The following USP33 variants were observed in gnomAD, a reference collection of about 807,000 sequenced individuals.
USP33 encodes ubiquitin carboxyl-terminal hydrolase 33.
USP33 carries 46 observed loss-of-function variants against 124.2 expected under a neutral mutation model. That is an observed-to-expected ratio of 0.37 (90% CI 0.29 to 0.47). USP33 has a LOEUF of 0.47. Ranked by LOEUF, USP33 falls within the 20% of genes least tolerant of loss-of-function variation. The pLI is 0.99. For synonymous variants in USP33, 350 were observed against 352.3 expected (o/e 0.99, Z 0.07); for missense variants, 851 against 1,070.6 (o/e 0.79, Z 2.86).
chr1:77,701,479 G>C lies in USP33; in HGVS notation c.2407-8C>G. On this transcript the variant is annotated splice_region_variant and splice_polypyrimidine_tract_variant and intron_variant, in intron 21 of 23. Coordinates refer to ENST00000370794, the MANE Select transcript of USP33 (RefSeq NM_201624.3). ...TTGGAACGCTCTGTTAAGCTACAAG[G>C]GGGAAAAAAAACAGTCATCTAATAT... 1.2e-6 allele frequency: 2 copies of C among 1,602,352 alleles called. No homozygotes were observed. The highest frequency in any genetic ancestry group is 1.7e-6 in the Non-Finnish European group (2 of 1,174,458).
At chr1:77,739,223 C>T (rs559128791) in intron 5 of USP33, 42 bp downstream of exon 5, 17 of 1,560,244 alleles carry the variant, frequency 1.1e-5, no homozygotes, top group African/African-American at 6.9e-5. Context: ...AAATTATTAC[C>T]GGAATGTTTT....
chr1:77,729,941 G>A lies in USP33; in HGVS notation c.639-3C>T, dbSNP rs1677610601. 3 of 1,589,040 alleles carry A rather than the reference G, an allele frequency of 1.9e-6. No individual in the cohort carries two copies. Among genetic ancestry groups the A allele is most frequent in the Middle Eastern group, 1.7e-4 (1 of 5,958 alleles). ...TAGTAGGCACAACAGATCCTGGCCT[G>A]AGCAAGAAAACATTTTTAAAGAGCA... On this transcript the variant is annotated splice_region_variant and splice_polypyrimidine_tract_variant and intron_variant, in intron 8 of 23. Transcript: ENST00000370794.
intron 10 of USP33, among the ~76,000 whole-genome samples, chr1:77,726,216 T>C (rs1212656015): frequency 6.6e-6 from 1 of 151,968 alleles, no homozygotes; most frequent in African/African-American, 2.4e-5. Flanking sequence ...TCCCAAAGTG[T>C]TGGGATTATA....
At chr1:77,759,389 C>T (rs1006629942) in intron 1 of USP33, 3 of 390,878 alleles carry the variant, frequency 7.7e-6, no homozygotes, top group Admixed American at 8.9e-5. Context: ...GAGGACCCTT[C>T]CTCAAATCAA....
intron 21 of USP33, among the ~76,000 whole-genome samples, chr1:77,709,066 G>A (rs951688371): frequency 3.9e-5 from 6 of 152,012 alleles, no homozygotes; most frequent in Admixed American, 6.6e-5. Flanking sequence ...AGTCTTTTCC[G>A]TTTGTAATTA....
At chr1:77,708,295 A>T (rs12744863) in intron 21 of USP33, among the ~76,000 whole-genome samples, 1 of 152,226 alleles carries the variant, frequency 6.6e-6, no homozygotes, top group Non-Finnish European at 1.5e-5. Flanking sequence ...TATGAAAGGT[A>T]TAAGAGAAAG....
intron 21 of USP33, among the ~76,000 whole-genome samples, chr1:77,709,267 G>C (rs1422299615): frequency 6.6e-6 from 1 of 152,116 alleles, no homozygotes; most frequent in Non-Finnish European, 1.5e-5. Context: ...CCAGAGCTTT[G>C]GGAGGCAGAG....
intron 15 of USP33, among the ~76,000 whole-genome samples, chr1:77,720,142 C>A (rs1676400908): frequency 1.1e-5 from 1 of 95,112 alleles, no homozygotes; most frequent in Non-Finnish European, 1.9e-5. Flanking sequence ...GCCTTGGCGA[C>A]AGAATGAGAC....
At position 77,736,073 on chromosome 1, in the gene USP33, T is replaced by C. The variant is rs200736241; in HGVS notation, c.437A>G (p.Asp146Gly). Residue 146 changes from aspartate to glycine, a missense_variant, in exon 6 of 24, where the codon GAT becomes GGT. Asp to Gly is a moderately conservative substitution (Grantham distance 94). This residue lies in a region of USP33 where 221 missense variants were observed against 302.9 expected (regional missense o/e 0.73). Coordinates refer to ENST00000370794, the MANE Select transcript of USP33 (RefSeq NM_201624.3). ...TAATTTACCTCTGGCCCTAAGTTCA[T>C]CTTCTTCATCCGCTTCTATATCCAG... ...DDLDIEADEE[D>G]ELRARGLTGL... 1 of 1,611,908 alleles carries C rather than the reference T, an allele frequency of 6.2e-7. No homozygotes were observed. Among genetic ancestry groups the C allele is most frequent in the African/African-American group, 1.3e-5 (1 of 74,990 alleles).
chr1:77,711,669 A>G (rs1189784465), intron 21 of USP33, 78 bp downstream of exon 21: 3 of 1,544,432 alleles, frequency 1.9e-6, no homozygotes, highest in African/African-American at 2.8e-5. Context: ...TAATCATTTT[A>G]TTAATATCAT....
At chr1:77,714,439 T>C (rs1675642076) in intron 19 of USP33, among the ~76,000 whole-genome samples, 175 bp downstream of exon 19, 1 of 152,194 alleles carries the variant, frequency 6.6e-6, no homozygotes, top group African/African-American at 2.4e-5. Flanking sequence ...AGAGATTACC[T>C]ACAATTAAAA....
At chr1:77,711,885 T>C (rs1675303346) in intron 20 of USP33, 30 bp from the exon 21 acceptor site, 3 of 1,570,846 alleles carry the variant, frequency 1.9e-6, no homozygotes, top group Non-Finnish European at 2.6e-6. Context: ...AGAATTAATG[T>C]TCTAGGAAGT....
chr1:77,746,743 A>C (rs533642471), intron 1 of USP33, among the ~76,000 whole-genome samples: 1 of 152,240 alleles, frequency 6.6e-6, no homozygotes, highest in Non-Finnish European at 1.5e-5. Context: ...ATCAATAAAC[A>C]TAATCCATCA....
chr1:77,717,918 T>C lies in USP33; in HGVS notation c.1867A>G (p.Ile623Val). 1.2e-6 allele frequency: 2 copies of C among 1,613,218 alleles called. No individual in the cohort carries two copies. The highest frequency in any genetic ancestry group is 1.7e-6 in the Non-Finnish European group (2 of 1,179,606). ...PFLAKDSPAQ[I>V]VTYDLLSVIC... ...ACTGACAGAAGATCATATGTCACAA[T>C]TTGAGCTGGACTATCCTTAGCAAGA... Residue 623 changes from isoleucine (I) to valine (V), a missense_variant, in exon 17 of 24, where the codon ATT becomes GTT. Physicochemically the swap from Ile to Val is conservative, Grantham distance 29. Around this residue, in one of 4 missense-constraint regions of USP33, gnomAD observed 281 missense variants for 425.0 expected, o/e 0.66. Coordinates refer to ENST00000370794, the MANE Select transcript of USP33 (RefSeq NM_201624.3).
At chr1:77,750,624 A>AAAAGAAACAAAC (rs1469933007) in intron 1 of USP33, among the ~76,000 whole-genome samples, 40 of 123,386 alleles carry the variant, frequency 3.2e-4, no homozygotes, top group African/African-American at 1.0e-3. Context: ...CCTGACTTAA[A>AAAAGAAACAAAC]AAAGAAAGAA....
At chr1:77,713,466 C>G in intron 19 of USP33, 185 bp from the exon 20 acceptor site, 2 of 501,914 alleles carry the variant, frequency 4.0e-6, no homozygotes, top group Non-Finnish European at 6.7e-6. Context: ...TCACAGCAGC[C>G]TCAAAATTCC....
In USP33 at chr1:77,734,304, TAAAAA is replaced by T. The variant is rs754675577; in HGVS notation, c.524+38_524+42del. On this transcript the variant is annotated intron_variant, in intron 7 of 23. Transcript: ENST00000370794. ...AAGGTTTTCTGCTCAAAAAATAACTTAAAAAATTATACAAATAAAACAAAATTAAT... is the reference window on the plus strand; with the variant it reads ...AAGGTTTTCTGCTCAAAAAATAACTTATTATACAAATAAAACAAAATTAAT... 3 of 1,442,514 alleles carry T rather than the reference TAAAAA, an allele frequency of 2.1e-6. No individual in the cohort carries two copies. In the South Asian group the frequency reaches 3.8e-5, roughly 18 times the overall value. 89.4% of individuals were successfully genotyped at this position (1,442,514 alleles called of 1,614,324 possible). A position where few individuals can be genotyped will look rare whatever the true frequency, so the allele number is the denominator to read the frequency against.
chr1:77,718,137 C>A, intron 16 of USP33, 90 bp from the exon 17 acceptor site: 1 of 1,155,938 alleles, frequency 8.7e-7, no homozygotes, highest in South Asian at 1.7e-5. Context: ...TTTTATTCAA[C>A]AAGCAAGAAA....
chr1:77,735,146 T>C (rs950593387), intron 6 of USP33, among the ~76,000 whole-genome samples: 3 of 151,378 alleles, frequency 2.0e-5, no homozygotes, highest in South Asian at 4.2e-4. Context: ...AAAAAGAAAG[T>C]AGTATTTATT....
Sources: gnomAD v4.1 joint callset for allele counts (sites outside exome capture counted in the v4.1 genomes callset) on GRCh38, gnomAD v4.1.1 for gene constraint, gnomAD v4.1.1 regional missense constraint, MANE v1.5 for transcripts, NCBI Gene and HGNC (gene_info 2026-07-23, HGNC 2026-07-21) for gene names.